The following MTCH2 variants were observed in gnomAD, a reference collection of about 807,000 sequenced individuals.
MTCH2 encodes mitochondrial carrier 2, also known as mitochondrial carrier homolog 2.
A neutral mutation model predicts 50.6 loss-of-function variants in MTCH2; 25 were observed. That is an observed-to-expected ratio of 0.49 (90% CI 0.36 to 0.69). MTCH2 has a LOEUF of 0.69. MTCH2 is among the 30% of genes least tolerant of loss of function. The pLI is 0.00. For synonymous variants in MTCH2, 106 were observed against 132.0 expected, an observed-to-expected ratio of 0.80 and a Z score of 1.35; for missense variants, 273 against 384.4, an observed-to-expected ratio of 0.71 and a Z score of 2.42.
At chr11:47,626,537 C>T (rs1398989770) in intron 10 of MTCH2, among the ~76,000 whole-genome samples, 1 of 152,106 alleles carries the variant, frequency 6.6e-6, no homozygotes, top group Non-Finnish European at 1.5e-5. Context: ...CCAAACCATG[C>T]AGGATGTGAG....
chr11:47,627,211 CTTT>C lies in MTCH2; in HGVS notation c.634-87_634-85del, dbSNP rs981960946. ...TTCTTTTTTCCTTTTCTTTTCTTTT[CTTT>C]TTTTCTTTCAGACAGTGCCTCACTC... On this transcript the variant is annotated intron_variant, in intron 9 of 12. Transcript: ENST00000302503. The C allele has an allele frequency of 2.7e-6, 3 of 1,112,784 alleles. No homozygotes were observed. The African/African-American group carries it at 4.9e-5, about 18-fold the overall frequency. The allele number at this position is 1,112,784 out of a possible 1,614,324, so 68.9% of individuals were successfully genotyped here.
chr11:47,611,359 C>A, the MTCH2 span, among the ~76,000 whole-genome samples: 1 of 152,188 alleles, frequency 6.6e-6, no homozygotes, highest in Non-Finnish European at 1.5e-5. Flanking sequence ...TTTTTCCAGC[C>A]AAAGGACACT....
In MTCH2 at chr11:47,631,648, A is replaced by G. The variant is rs766025055; in HGVS notation, c.427+6T>C. On this transcript the variant is annotated splice_donor_region_variant and intron_variant, in intron 6 of 12. Coordinates refer to ENST00000302503, the MANE Select transcript of MTCH2 (RefSeq NM_014342.4). Reference sequence around the variant, plus strand: ...AAGAAAGGTCAGTTGTCAACTGCAAACATACCATGGAAGGGATGTGTGATG... The same window carrying G: ...AAGAAAGGTCAGTTGTCAACTGCAAGCATACCATGGAAGGGATGTGTGATG... 21 of 1,613,962 alleles carry G rather than the reference A, an allele frequency of 1.3e-5. 3 individuals are homozygous for G. In the South Asian group the frequency reaches 2.3e-4, roughly 18 times the overall value.
chr11:47,631,057 A>G lies in MTCH2; in HGVS notation c.458T>C (p.Ile153Thr), dbSNP rs1314417562. ...TTACCAGTACTTGGATTCTCTGCCA[A>G]TGAACTGTACCATAGATCTCAGAGT... ...VITLRSMVQF[I>T]GRESKYCGLC... Residue 153 changes from isoleucine (I) to threonine (T), a missense_variant, in exon 7 of 13, where the codon ATT becomes ACT. Ile to Thr is a moderately conservative substitution (Grantham distance 89, BLOSUM62 -1). Around this residue, in one of 2 missense-constraint regions of MTCH2, gnomAD observed 203 missense variants for 244.3 expected, o/e 0.83. Transcript: ENST00000302503. The G allele has an allele frequency of 1.9e-6, 3 of 1,613,226 alleles. No homozygotes were observed. In the Admixed American group the frequency reaches 5.0e-5, roughly 27 times the overall value.
chr11:47,610,701 T>A, the MTCH2 span, among the ~76,000 whole-genome samples: 1 of 152,162 alleles, frequency 6.6e-6, no homozygotes, highest in Non-Finnish European at 1.5e-5. Context: ...CAAAACTCCG[T>A]CTCAAAAAGA....
the MTCH2 span, among the ~76,000 whole-genome samples, chr11:47,604,940 T>G: frequency 0.23 from 35,037 of 150,808 alleles, 5,022 homozygotes; most frequent in South Asian, 0.46. Flanking sequence ...GTTTTTTTTG[T>G]TTTTTTTTGA....
intron 3 of MTCH2, among the ~76,000 whole-genome samples, chr11:47,636,071 T>C (rs1164356764): frequency 1.3e-5 from 2 of 151,278 alleles, no homozygotes; most frequent in Non-Finnish European, 2.9e-5. Flanking sequence ...GAGGTTGCAG[T>C]GAGCCAAGAT....
intron 5 of MTCH2, among the ~76,000 whole-genome samples, chr11:47,633,520 ATATATATTTTTTTT>A (rs1565972583): frequency 5.1e-5 from 1 of 19,780 alleles, no homozygotes; most frequent in Non-Finnish European, 1.1e-4. Flanking sequence ...ATATATATAT[ATATATATTTTTTTT>A]TTTTTTTTTT....
chr11:47,641,583 G>A (rs957387954), intron 1 of MTCH2, among the ~76,000 whole-genome samples: 5 of 152,156 alleles, frequency 3.3e-5, no homozygotes, highest in African/African-American at 1.2e-4. Context: ...AAAGGAACTG[G>A]AAACACTAAG....
chr11:47,615,151 C>T (rs1252453632), downstream of MTCH2, among the ~76,000 whole-genome samples: 1 of 146,708 alleles, frequency 6.8e-6, no homozygotes, highest in Admixed American at 7.1e-5. Flanking sequence ...AGTCGTCCCA[C>T]TTCAGCCTCC....
chr11:47,606,010 C>CT, the MTCH2 span, among the ~76,000 whole-genome samples: 3 of 152,112 alleles, frequency 2.0e-5, no homozygotes, highest in Admixed American at 6.6e-5. Context: ...CCCTTTTCTT[C>CT]TTTTTTGTCA....
the MTCH2 span, among the ~76,000 whole-genome samples, chr11:47,610,751 T>C: frequency 1.3e-5 from 2 of 151,980 alleles, no homozygotes; most frequent in East Asian, 1.9e-4. Context: ...ATTCTAGACA[T>C]GAGGAGCCTG....
At chr11:47,632,059 C>G (rs760078853) in intron 5 of MTCH2, among the ~76,000 whole-genome samples, 145 of 151,840 alleles carry the variant, frequency 9.5e-4, no homozygotes, top group Non-Finnish European at 1.6e-3. Context: ...AAATATGAGG[C>G]CTTTATTGAG....
intron 5 of MTCH2, 77 bp from the exon 6 acceptor site, chr11:47,631,788 T>C: frequency 2.7e-6 from 4 of 1,481,434 alleles, no homozygotes; most frequent in Non-Finnish European, 3.8e-6. Flanking sequence ...TGTGGGTGGA[T>C]ATCGTGGTAT....
chr11:47,622,839 T>A, intron 11 of MTCH2, 63 bp from the exon 12 acceptor site: 1 of 1,043,552 alleles, frequency 9.6e-7, no homozygotes, highest in Non-Finnish European at 1.4e-6. Flanking sequence ...GAGACGTTGA[T>A]AAACCTTGTC....
chr11:47,612,839 A>G (rs1183178515), downstream of MTCH2, among the ~76,000 whole-genome samples: 1 of 152,154 alleles, frequency 6.6e-6, no homozygotes, highest in Non-Finnish European at 1.5e-5. Flanking sequence ...GACTCCTTTC[A>G]AGTTTAAAGG....
downstream of MTCH2, among the ~76,000 whole-genome samples, chr11:47,615,532 A>G (rs2097287871): frequency 6.6e-6 from 1 of 152,166 alleles, no homozygotes; most frequent in Non-Finnish European, 1.5e-5. Flanking sequence ...GAGGGGGAGG[A>G]CATTTCTAGA....
downstream of MTCH2, among the ~76,000 whole-genome samples, chr11:47,615,778 G>A (rs181627427): frequency 0.01 from 450 of 44,192 alleles, 6 homozygotes; most frequent in Admixed American, 0.017. Flanking sequence ...GATTACAGGT[G>A]CCCGCCACCA....
At chr11:47,621,575 G>A (rs2097293266) in intron 12 of MTCH2, among the ~76,000 whole-genome samples, 1 of 152,092 alleles carries the variant, frequency 6.6e-6, no homozygotes. Flanking sequence ...TGGGACTACA[G>A]GCACACGCTG....
Sources: allele counts gnomAD v4.1 joint callset (sites outside exome capture counted in the v4.1 genomes callset), GRCh38; gene constraint gnomAD v4.1.1; regional missense constraint gnomAD v4.1.1; transcripts MANE v1.5; gene names NCBI Gene and HGNC (gene_info 2026-07-23, HGNC 2026-07-21).